Variants in ZNF256 observed in about 807,000 individuals in gnomAD.
The protein encoded by ZNF256 is zinc finger protein 256.
ZNF256 carries 4 observed loss-of-function variants against 7.9 expected under a neutral mutation model. That is an observed-to-expected ratio of 0.50 (90% CI 0.25 to 1.15). The LOEUF (loss-of-function observed/expected upper bound fraction) is 1.15. ZNF256 is among the 50% of genes most tolerant of loss of function. ZNF256 has a pLI of 0.15. For missense variants in ZNF256, 666 were observed against 755.9 expected (o/e 0.88, Z 1.39); for synonymous variants, 260 against 260.4 (o/e 1.00, Z 0.02).
rs1600197128 is a variant in ZNF256, at chr19:57,943,821, C to A, written c.160+113G>T. 3 of 1,428,250 alleles carry A rather than the reference C, an allele frequency of 2.1e-6. No individual in the cohort carries two copies. In the East Asian group the frequency reaches 7.1e-5, roughly 34 times the overall value. 88.5% of individuals were successfully genotyped at this position (1,428,250 alleles called of 1,614,324 possible). A position where few individuals can be genotyped will look rare whatever the true frequency, so the allele number is the denominator to read the frequency against. Reference sequence around the variant, plus strand: ...TTAGCCCTACCAACCGCAGCACCTGCCCAGGAACAGGAAGCTGTGTCAATA... The same window carrying A: ...TTAGCCCTACCAACCGCAGCACCTGACCAGGAACAGGAAGCTGTGTCAATA... On this transcript the variant is annotated intron_variant, in intron 2 of 2. Coordinates refer to ENST00000282308, the MANE Select transcript of ZNF256 (RefSeq NM_005773.3).
intron 1 of ZNF256, among the ~76,000 whole-genome samples, chr19:57,945,044 C>T (rs2072757174): frequency 6.6e-6 from 1 of 151,902 alleles, no homozygotes; most frequent in Non-Finnish European, 1.5e-5. Flanking sequence ...TACAGGCACC[C>T]GCCATCACGC....
Position 57,941,732 on chromosome 19 carries a change from G to A in ZNF256, c.1076C>T (p.Ser359Phe). Residue 359 changes from serine to phenylalanine, a missense_variant, in exon 3 of 3, where the codon TCT becomes TTT. Transcript: ENST00000282308. ...RPYECSECGK[S>F]FIHSSSLITH... ...AATAAGGCTAGAACTATGGATAAAAGATTTCCCACATTCACTGCACTCATA... is the reference window on the plus strand; with the variant it reads ...AATAAGGCTAGAACTATGGATAAAAAATTTCCCACATTCACTGCACTCATA... 1.2e-6 allele frequency: 2 copies of A among 1,613,696 alleles called. No individual in the cohort carries two copies. Among genetic ancestry groups the A allele is most frequent in the Non-Finnish European group, 8.5e-7 (1 of 1,179,924 alleles).
In ZNF256 at chr19:57,942,647, C is replaced by T. The variant is rs758987407; in HGVS notation, c.161G>A (p.Gly54Asp). 13 of 1,609,816 alleles carry T rather than the reference C, an allele frequency of 8.1e-6. No individual in the cohort carries two copies. The highest frequency in any genetic ancestry group is 1.1e-5 in the Non-Finnish European group (13 of 1,177,300). The part of the protein sequence containing the change: ...LENLTLTTSL[G>D]GSGAGDEEAP... The stretch of plus-strand genomic sequence containing the variant: ...CTCCTCATCCCCTGCTCCAGAACCA[C>T]CTGAAAGAAAGAAAATGCTGGTGAA... Residue 54 changes from glycine (G) to aspartate (D), a missense_variant and splice_region_variant, in exon 3 of 3, where the codon GGT becomes GAT. Transcript: ENST00000282308.
chr19:57,941,648 G>C lies in ZNF256; in HGVS notation c.1160C>G (p.Ser387Cys), dbSNP rs1380035137. ...RPYMCSECGK[S>C]FSQSCHLIKH... Reference sequence around the variant, plus strand: ...AATGAGGTGACAGCTCTGGCTAAAGGATTTCCCACATTCACTGCACATATA... The same window carrying C: ...AATGAGGTGACAGCTCTGGCTAAAGCATTTCCCACATTCACTGCACATATA... Residue 387 changes from serine to cysteine, a missense_variant, in exon 3 of 3, where the codon TCC becomes TGC. By Grantham distance (112) the Ser-to-Cys change is moderately radical. Transcript: ENST00000282308. 1 of 1,613,746 alleles carries C rather than the reference G, an allele frequency of 6.2e-7. No homozygotes were observed. Among genetic ancestry groups the C allele is most frequent in the East Asian group, 2.2e-5 (1 of 44,852 alleles).
Position 57,941,725 on chromosome 19 carries a change from G to A in ZNF256, c.1083C>T (p.Ile361=), listed in dbSNP as rs1209841303. ...YECSECGKSF[I]HSSSLITHQR... is the part of the protein sequence containing the mutation. ...GGTGTGTAATAAGGCTAGAACTATG[G>A]ATAAAAGATTTCCCACATTCACTGC... Residue 361 remains isoleucine, a synonymous_variant, in exon 3 of 3, where the codon ATC becomes ATT. Coordinates refer to ENST00000282308, the MANE Select transcript of ZNF256 (RefSeq NM_005773.3). 6.8e-6 allele frequency: 11 copies of A among 1,613,684 alleles called. No individual in the cohort carries two copies. Among genetic ancestry groups the A allele is most frequent in the Non-Finnish European group, 9.3e-6 (11 of 1,179,968 alleles).
In ZNF256 at chr19:57,947,520, G is replaced by C. The variant is rs1405357795; in HGVS notation, c.-46C>G. The C allele has an allele frequency of 7.2e-6, 9 of 1,248,818 alleles. No homozygotes were observed. Among genetic ancestry groups the C allele is most frequent in the South Asian group, 4.1e-5 (1 of 24,418 alleles). 77.4% of individuals were successfully genotyped at this position (1,248,818 alleles called of 1,614,324 possible). Reference sequence around the variant, plus strand: ...GGGCCAGAGAGGATGTCCTTATTCCGGGCCGGGCCTGGGTACCCTGGGCGC... The same window carrying C: ...GGGCCAGAGAGGATGTCCTTATTCCCGGCCGGGCCTGGGTACCCTGGGCGC... On this transcript the variant is annotated 5_prime_UTR_variant, in exon 1 of 3. Coordinates refer to ENST00000282308, the MANE Select transcript of ZNF256 (RefSeq NM_005773.3).
chr19:57,944,798 C>T (rs1161386635), intron 1 of ZNF256, among the ~76,000 whole-genome samples: 16 of 152,128 alleles, frequency 1.1e-4, no homozygotes, highest in Admixed American at 1.0e-3. Flanking sequence ...CGCCACTGCA[C>T]TCCAGCGTGG....
rs781450336 is a variant in ZNF256 at position 57,942,162 on chromosome 19, A to G, written c.646T>C (p.Cys216Arg). 2 of 1,614,222 alleles carry G rather than the reference A, an allele frequency of 1.2e-6. No homozygotes were observed. The highest frequency in any genetic ancestry group is 8.5e-7 in the Non-Finnish European group (1 of 1,180,044). ...SVKNHYNWGE[C>R]VKAFSYKHVR... ...TGTTTGTAGCTGAAAGCTTTCACAC[A>G]TTCTCCCCAGTTGTAATGATTTTTT... is the stretch of plus-strand genomic sequence containing the variant. Residue 216 changes from cysteine to arginine, a missense_variant, in exon 3 of 3, where the codon TGT becomes CGT. Cys to Arg is a radical substitution (Grantham distance 180). Transcript: ENST00000282308.
At position 57,943,929 on chromosome 19, in the gene ZNF256, C is replaced by G; in HGVS notation, c.160+5G>C. 1 of 1,613,752 alleles carries G rather than the reference C, an allele frequency of 6.2e-7. No homozygotes were observed. Among genetic ancestry groups the G allele is most frequent in the Non-Finnish European group, 8.5e-7 (1 of 1,179,796 alleles). On this transcript the variant is annotated splice_donor_5th_base_variant and intron_variant, in intron 2 of 2. Transcript: ENST00000282308. ...GGGGCATAGAGGTGGGTGTGAGGAC[C>G]TTACCCAGGGAGGTTGTAAGTGTCA... is the stretch of plus-strand genomic sequence containing the variant.
Position 57,947,518 on chromosome 19 carries a change from C to T in ZNF256, c.-44G>A. 8.0e-7 allele frequency: 1 copy of T among 1,248,968 alleles called. No homozygotes were observed. The allele number at this position is 1,248,968 out of a possible 1,614,324, so 77.4% of individuals were successfully genotyped here. A position where few individuals can be genotyped will look rare whatever the true frequency, so the allele number is the denominator to read the frequency against. ...CGGGGCCAGAGAGGATGTCCTTATT[C>T]CGGGCCGGGCCTGGGTACCCTGGGC... On this transcript the variant is annotated 5_prime_UTR_variant, in exon 1 of 3. Coordinates refer to ENST00000282308, the MANE Select transcript of ZNF256 (RefSeq NM_005773.3).
intron 1 of ZNF256, among the ~76,000 whole-genome samples, chr19:57,946,122 T>G (rs1454150091): frequency 1.3e-5 from 2 of 152,198 alleles, no homozygotes; most frequent in African/African-American, 4.8e-5. Flanking sequence ...TCATGACCAC[T>G]TACTCTATCA....
At chr19:57,946,670 G>A (rs78049589) in intron 1 of ZNF256, among the ~76,000 whole-genome samples, 3,805 of 152,216 alleles carry the variant, frequency 0.025, 156 homozygotes, top group African/African-American at 0.086. Flanking sequence ...TGAAGCCTGT[G>A]AAGACCTTGG....
chr19:57,943,811 G>A (rs532989740), intron 2 of ZNF256, 123 bp downstream of exon 2: 39 of 1,326,642 alleles, frequency 2.9e-5, no homozygotes, highest in African/African-American at 1.0e-4. Flanking sequence ...CCTACCAACC[G>A]CAGCACCTGC....
chr19:57,945,396 A>G lies in ZNF256; in HGVS notation c.34-1336T>C, dbSNP rs182068985. Among the ~76,000 whole-genome samples the G allele has an allele frequency of 5.3e-3, 805 of 152,302 alleles. 4 individuals are homozygous for G. The highest frequency in any genetic ancestry group is 0.01 in the Middle Eastern group (3 of 294). On this transcript the variant is annotated intron_variant, in intron 1 of 2. Transcript: ENST00000282308. Reference sequence around the variant, plus strand: ...TGTTTGAATAACTCAAAAAATTGATAGGGAACTGAAACCCACTACAAAGTA... The same window carrying G: ...TGTTTGAATAACTCAAAAAATTGATGGGGAACTGAAACCCACTACAAAGTA...
chr19:57,942,733 C>T, intron 2 of ZNF256, 86 bp from the exon 3 acceptor site: 1 of 1,503,858 alleles, frequency 6.6e-7, no homozygotes, highest in Non-Finnish European at 9.0e-7. Context: ...CCAACAAACC[C>T]AGGAACTGAG....
At chr19:57,943,130 G>T (rs568890763) in intron 2 of ZNF256, among the ~76,000 whole-genome samples, 1 of 152,196 alleles carries the variant, frequency 6.6e-6, no homozygotes, top group African/African-American at 2.4e-5. Context: ...TTAACCCCAG[G>T]CTGGAAGTAA....
Position 57,942,056 on chromosome 19 carries a change from C to T in ZNF256, c.752G>A (p.Ser251Asn). The T allele has an allele frequency of 1.2e-6, 2 of 1,614,232 alleles. No individual in the cohort carries two copies. Among genetic ancestry groups the T allele is most frequent in the Non-Finnish European group, 1.7e-6 (2 of 1,180,044 alleles). Residue 251 changes from serine to asparagine, a missense_variant, in exon 3 of 3, where the codon AGC becomes AAC. Coordinates refer to ENST00000282308, the MANE Select transcript of ZNF256 (RefSeq NM_005773.3). Reference sequence around the variant, plus strand: ...TCTCAAATGATCACTGAGGCTACAGCTTGTGCTAAAAGATTTCCCACATTC... The same window carrying T: ...TCTCAAATGATCACTGAGGCTACAGTTTGTGCTAAAAGATTTCCCACATTC... Reference protein sequence around the residue: ...CSECGKSFSTSCSLSDHLRVH... With the variant: ...CSECGKSFSTNCSLSDHLRVH...
At position 57,947,429 on chromosome 19, in the gene ZNF256, A is replaced by G. The variant is rs2072775056; in HGVS notation, c.33+13T>C. The stretch of plus-strand genomic sequence containing the variant: ...GGGGAGGGCGGGGAAGGCCCAGAGG[A>G]CGCGGCACATACCTGGGCCGGGGCC... On this transcript the variant is annotated intron_variant, in intron 1 of 2. Coordinates refer to ENST00000282308, the MANE Select transcript of ZNF256 (RefSeq NM_005773.3). 1 of 1,249,078 alleles carries G rather than the reference A, an allele frequency of 8.0e-7. No individual in the cohort carries two copies. The highest frequency in any genetic ancestry group is 4.1e-5 in the South Asian group (1 of 24,432). The allele number at this position is 1,249,078 out of a possible 1,614,324, so 77.4% of individuals were successfully genotyped here.
chr19:57,946,875 T>C (rs1035726887), intron 1 of ZNF256, among the ~76,000 whole-genome samples: 1 of 152,174 alleles, frequency 6.6e-6, no homozygotes, highest in African/African-American at 2.4e-5. Flanking sequence ...TGTACCTTTC[T>C]GGAAAAACTT....
Sources: gnomAD v4.1 joint callset for allele counts (sites outside exome capture counted in the v4.1 genomes callset) on GRCh38, gnomAD v4.1.1 for gene constraint, MANE v1.5 for transcripts, NCBI Gene and HGNC (gene_info 2026-07-23, HGNC 2026-07-21) for gene names.